Variants in TTLL4 observed in about 807,000 individuals in gnomAD.
TTLL4 encodes tubulin monoglutamylase TTLL4.
TTLL4 carries 85 observed loss-of-function variants against 122.7 expected under a neutral mutation model. The observed-to-expected ratio is 0.69, with a 90% CI of 0.58 to 0.83. The LOEUF (loss-of-function observed/expected upper bound fraction) is 0.83. Ranked by LOEUF, TTLL4 falls within the 40% of genes least tolerant of loss-of-function variation. The pLI is 0.00. For synonymous variants in TTLL4, 553 were observed against 563.0 expected (o/e 0.98, Z 0.25); for missense variants, 1,363 against 1,488.6 (o/e 0.92, Z 1.39).
In TTLL4 at chr2:218,745,143, A is replaced by G; in HGVS notation, c.1696A>G (p.Asn566Asp). Residue 566 changes from asparagine (N) to aspartate (D), a missense_variant, in exon 6 of 20, where the codon AAT (asparagine) becomes GAT (aspartate). Physicochemically the swap from Asn to Asp is conservative, Grantham distance 23. Coordinates refer to ENST00000392102, the MANE Select transcript of TTLL4 (RefSeq NM_014640.5). Reference sequence around the variant, plus strand: ...GGAAATTCTGACCAAACCCCTTTCCAATCATGAGAAAGTTGTCCGACCAGC... The same window carrying G: ...GGAAATTCTGACCAAACCCCTTTCCGATCATGAGAAAGTTGTCCGACCAGC... The part of the protein sequence containing the change: ...CMEILTKPLS[N>D]HEKVVRPALI... 1.2e-6 allele frequency: 2 copies of G among 1,614,024 alleles called. No homozygotes were observed. Among genetic ancestry groups the G allele is most frequent in the Non-Finnish European group, 1.7e-6 (2 of 1,179,962 alleles).
intron 6 of TTLL4, chr2:218,745,459 C>T: frequency 1.6e-6 from 1 of 643,530 alleles, no homozygotes; most frequent in Non-Finnish European, 2.7e-6. Context: ...TGAGTTCATG[C>T]TCTTCAACCT....
At chr2:218,746,506 C>T (rs531239956) in intron 8 of TTLL4, 1 of 486,708 alleles carries the variant, frequency 2.1e-6, no homozygotes, top group Non-Finnish European at 3.7e-6. Flanking sequence ...GAGGGTGTAA[C>T]TCTGAAATCC....
At chr2:218,750,624 G>C (rs1247761216) in intron 15 of TTLL4, among the ~76,000 whole-genome samples, 1 of 151,938 alleles carries the variant, frequency 6.6e-6, no homozygotes, top group African/African-American at 2.4e-5. Context: ...TCCTCTCCTG[G>C]CTCCTGTGCC....
At chr2:218,728,480 T>C (rs4674328) in intron 2 of TTLL4, among the ~76,000 whole-genome samples, 80,973 of 151,960 alleles carry the variant, frequency 0.53, 23,123 homozygotes, top group African/African-American at 0.73. Context: ...GGATCTCAGG[T>C]GGTAATGCTT....
In TTLL4 at chr2:218,747,225, G is replaced by T. The variant is rs370743820; in HGVS notation, c.2166+31G>T. The T allele has an allele frequency of 3.3e-5, 54 of 1,613,994 alleles. No homozygotes were observed. Among genetic ancestry groups the T allele is most frequent in the Non-Finnish European group, 4.5e-5 (53 of 1,180,020 alleles). On this transcript the variant is annotated intron_variant, in intron 9 of 19. Transcript: ENST00000392102. The surrounding 1 kb of genome is among the most constrained non-coding windows in gnomAD (Gnocchi z 4.7). ...TGAATCACAGTGGGCAGGAGACTAT[G>T]GTCTGTGAGTGGGAACAACAGAGTA...
chr2:218,752,995 CAGAA>C, intron 17 of TTLL4, 22 bp downstream of exon 17: 1 of 1,614,158 alleles, frequency 6.2e-7, no homozygotes, highest in Non-Finnish European at 8.5e-7. Flanking sequence ...TCCCTGCCCT[CAGAA>C]AGCCAAGTTT....
intron 2 of TTLL4, among the ~76,000 whole-genome samples, chr2:218,734,526 A>C (rs1386631681): frequency 6.6e-6 from 1 of 152,194 alleles, no homozygotes; most frequent in Non-Finnish European, 1.5e-5. Flanking sequence ...GAGTCAGGGA[A>C]GACTGCCTAG....
At chr2:218,726,741 A>G (rs952917221) in intron 1 of TTLL4, among the ~76,000 whole-genome samples, 7 of 152,046 alleles carry the variant, frequency 4.6e-5, no homozygotes, top group African/African-American at 1.7e-4. Context: ...TGCTGGGATT[A>G]TAGGCGTGAG....
At chr2:218,752,100 G>T (rs1263884819) in intron 16 of TTLL4, among the ~76,000 whole-genome samples, 1 of 151,940 alleles carries the variant, frequency 6.6e-6, no homozygotes, top group African/African-American at 2.4e-5. Context: ...TAGAGATGGG[G>T]TTTCTCCATG....
chr2:218,752,015 C>A (rs1398824347), intron 16 of TTLL4, among the ~76,000 whole-genome samples: 1 of 145,374 alleles, frequency 6.9e-6, no homozygotes, highest in East Asian at 2.0e-4. Context: ...TCAAGTGATT[C>A]TCCTGCCTCA....
At chr2:218,753,472 G>T in intron 18 of TTLL4, 112 bp from the exon 19 acceptor site, 1 of 1,109,802 alleles carries the variant, frequency 9.0e-7, no homozygotes, top group Non-Finnish European at 1.3e-6. Flanking sequence ...GGGTAGGGAA[G>T]GGGAGAACCC....
chr2:218,723,275 G>A (rs141971923), intron 1 of TTLL4, among the ~76,000 whole-genome samples: 59 of 152,324 alleles, frequency 3.9e-4, no homozygotes, highest in Non-Finnish European at 6.6e-4. Flanking sequence ...CTAGGTTCCT[G>A]TTTCTCAGCT....
intron 12 of TTLL4, 149 bp downstream of exon 12, chr2:218,748,376 C>G: frequency 2.3e-6 from 3 of 1,279,778 alleles, no homozygotes; most frequent in Non-Finnish European, 3.1e-6. Context: ...TATTTGAGGC[C>G]GGATGTGGTG....
chr2:218,747,079 G>A lies in TTLL4; in HGVS notation c.2051G>A (p.Arg684His), dbSNP rs760275296. 6.8e-6 allele frequency: 11 copies of A among 1,614,202 alleles called. No individual in the cohort carries two copies. Among genetic ancestry groups the A allele is most frequent in the East Asian group, 2.2e-5 (1 of 44,882 alleles). ...CGGAACCTGTCACGTATGCAGAGCC[G>A]CTTTGGCAAGAAGGAGTTCAGTTTC... ...LWRNLSRMQS[R>H]FGKKEFSFFP... The change falls in exon 9 of 20, where the codon CGC (arginine) becomes CAC (histidine). Residue 684 changes from arginine to histidine, a missense_variant. Physicochemically the swap from Arg to His is conservative, Grantham distance 29 (BLOSUM62 0). Coordinates refer to ENST00000392102, the MANE Select transcript of TTLL4 (RefSeq NM_014640.5). This position sits in a 1 kb window ranked among gnomAD's most constrained non-coding sequence, Gnocchi z 4.7.
downstream of TTLL4, among the ~76,000 whole-genome samples, chr2:218,756,410 G>A (rs531565587): frequency 3.3e-4 from 51 of 152,280 alleles, no homozygotes; most frequent in African/African-American, 1.2e-3. Context: ...TCCTAAAAGA[G>A]CAATGGAAAG....
At chr2:218,748,518 G>A (rs777185974) in intron 12 of TTLL4, 35 of 453,252 alleles carry the variant, frequency 7.7e-5, no homozygotes, top group African/African-American at 3.3e-4. Context: ...AGCTGGGTGT[G>A]GTGGCAGGCG....
Position 218,738,060 on chromosome 2 carries a change from C to T in TTLL4, c.384C>T (p.Tyr128=). ...GCTCCAGCTATAGGCAAAAACCGTA[C>T]CAGCAACTGGAGTCTTTCTGCTTGC... ...YRRSSYRQKP[Y]QQLESFCLRS... Residue 128 remains tyrosine (Y), a synonymous_variant, in exon 3 of 20, where the codon TAC becomes TAT. Coordinates refer to ENST00000392102, the MANE Select transcript of TTLL4 (RefSeq NM_014640.5). 2 of 1,614,150 alleles carry T rather than the reference C, an allele frequency of 1.2e-6. No homozygotes were observed. Among genetic ancestry groups the T allele is most frequent in the East Asian group, 2.2e-5 (1 of 44,856 alleles).
intron 7 of TTLL4, 44 bp downstream of exon 7, chr2:218,745,845 T>C: frequency 6.5e-7 from 1 of 1,544,602 alleles, no homozygotes; most frequent in Non-Finnish European, 8.9e-7. Context: ...TTGCCCCAAA[T>C]AGATGGGCTT....
At chr2:218,726,844 G>A (rs935751985) in intron 1 of TTLL4, among the ~76,000 whole-genome samples, 7 of 144,518 alleles carry the variant, frequency 4.8e-5, no homozygotes, top group African/African-American at 1.6e-4. Context: ...TCAGTCTGTC[G>A]CCCAGGCTGG....
Sources: allele counts gnomAD v4.1 joint callset (sites outside exome capture counted in the v4.1 genomes callset), GRCh38; gene constraint gnomAD v4.1.1; non-coding constraint Gnocchi (gnomAD v3.1); transcripts MANE v1.5; gene names NCBI Gene and HGNC (gene_info 2026-07-23, HGNC 2026-07-21).